Variants in PLXND1 observed in about 807,000 individuals in gnomAD.
PLXND1 encodes the protein plexin-D1.
Under a neutral mutation model 197.7 loss-of-function variants are expected in PLXND1, and 54 were observed. The observed-to-expected ratio is 0.27, with a 90% confidence interval of 0.22 to 0.34. PLXND1 has a LOEUF of 0.34. Among genes scored for constraint, PLXND1 ranks in the 10% least tolerant of loss-of-function variants. The pLI, the probability that PLXND1 is intolerant of heterozygous loss-of-function variation, is 1.00. For synonymous variants in PLXND1, 1,180 were observed against 1,161.2 expected, an observed-to-expected ratio of 1.02 and a Z score of -0.33; for missense variants, 2,127 against 2,699.2, an observed-to-expected ratio of 0.79 and a Z score of 4.70.
At chr3:129,566,084 T>C in intron 23 of PLXND1, 67 bp from the exon 24 acceptor site, 1 of 1,564,552 alleles carries the variant, frequency 6.4e-7, no homozygotes, top group Non-Finnish European at 8.8e-7. Context: ...TAACAGCCAG[T>C]GCTTACGACG....
chr3:129,563,105 C>T lies in PLXND1; in HGVS notation c.4657G>A (p.Ala1553Thr), dbSNP rs751544605. The T allele has an allele frequency of 1.9e-6, 3 of 1,613,444 alleles. No homozygotes were observed. The highest frequency in any genetic ancestry group is 2.7e-5 in the African/African-American group (2 of 74,924). The stretch of plus-strand genomic sequence containing the variant: ...CCCTGCCGACTTACCCGGGGCTTGG[C>T]CTCGATGTTCTCCCGCAGCAGCCAC... ...EEWLLRENIE[A>T]KPRNLNVSFQ... is the part of the protein sequence containing the mutation. The change falls in exon 26 of 36, where the codon GCC (alanine) becomes ACC (threonine). Residue 1553 changes from alanine (A) to threonine (T), a missense_variant. Ala to Thr is a moderately conservative substitution (Grantham distance 58). Around this residue, in one of 6 missense-constraint regions of PLXND1, gnomAD observed 532 missense variants for 811.0 expected, o/e 0.66. Transcript: ENST00000324093.
intron 1 of PLXND1, among the ~76,000 whole-genome samples, chr3:129,590,173 C>T (rs2085518907): frequency 6.6e-6 from 1 of 152,162 alleles, no homozygotes; most frequent in Admixed American, 6.5e-5. Context: ...GCCCACATTA[C>T]AGGGGGACAA....
At chr3:129,575,932 C>G in intron 9 of PLXND1, 77 bp from the exon 10 acceptor site, 4 of 827,726 alleles carry the variant, frequency 4.8e-6, no homozygotes, top group Non-Finnish European at 8.3e-6. Flanking sequence ...TCCAGCAGGA[C>G]ACCACGGGCT....
At position 129,567,497 on chromosome 3, in the gene PLXND1, GGAA is replaced by G; in HGVS notation, c.4078_4080del (p.Phe1360del). 6.3e-7 allele frequency: 1 copy of G among 1,589,852 alleles called. No homozygotes were observed. On this transcript the variant is annotated inframe_deletion, in exon 22 of 36. Coordinates refer to ENST00000324093, the MANE Select transcript of PLXND1 (RefSeq NM_015103.3). ...AGGCTCAGGCTCGGGCTGACCTTGG[GGAA>G]GAAGGTGCGGGTCACGAAGTGCTTA...
At position 129,584,233 on chromosome 3, in the gene PLXND1, T is replaced by C; in HGVS notation, c.2030A>G (p.Asp677Gly). Residue 677 changes from aspartate to glycine, a missense_variant and splice_region_variant, in exon 7 of 36, where the codon GAC (aspartate) becomes GGC (glycine). Physicochemically the swap from Asp to Gly is moderately conservative, Grantham distance 94. Transcript: ENST00000324093. ...CACAGACATCTCAACAGTCACGTGGTCTGGAATGGATGGGGGAGCCAGGGG... is the reference window on the plus strand; with the variant it reads ...CACAGACATCTCAACAGTCACGTGGCCTGGAATGGATGGGGGAGCCAGGGG... Reference protein sequence around the residue: ...DQFPPFPPNQDHVTVEMSVRV... With the variant: ...DQFPPFPPNQGHVTVEMSVRV... 1 of 1,599,290 alleles carries C rather than the reference T, an allele frequency of 6.3e-7. No homozygotes were observed.
At position 129,562,754 on chromosome 3, in the gene PLXND1, T is replaced by C. The variant is rs781542821; in HGVS notation, c.4825+33A>G. On this transcript the variant is annotated intron_variant, in intron 27 of 35. Coordinates refer to ENST00000324093, the MANE Select transcript of PLXND1 (RefSeq NM_015103.3). ...AGGGGCCAGCCCCGGCTGAAGCGCC[T>C]GACACGGGGTCTCTGCCCCCATTCC... is the stretch of plus-strand genomic sequence containing the variant. 14 of 1,572,074 alleles carry C rather than the reference T, an allele frequency of 8.9e-6. No individual in the cohort carries two copies. The African/African-American group carries it at 1.9e-4, about 21-fold the overall frequency.
chr3:129,567,604 C>G lies in PLXND1; in HGVS notation c.3974G>C (p.Gly1325Ala), dbSNP rs752646155. ...ESQIREEIRKGFAELQTDMTD... is the reference protein window; with the variant it reads ...ESQIREEIRKAFAELQTDMTD... ...CATGTCTGTCTGCAGCTCAGCGAAG[C>G]CTGGCGGACACACGGACAGCCGTGA... is the stretch of plus-strand genomic sequence containing the variant. The change falls in exon 22 of 36, where the codon GGC becomes GCC. Residue 1325 changes from glycine (G) to alanine (A), a missense_variant and splice_region_variant. Gly to Ala is a moderately conservative substitution (Grantham distance 60). This residue lies in a region of PLXND1 where 532 missense variants were observed against 811.0 expected (regional missense o/e 0.66). Coordinates refer to ENST00000324093, the MANE Select transcript of PLXND1 (RefSeq NM_015103.3). 6.2e-7 allele frequency: 1 copy of G among 1,609,176 alleles called. No homozygotes were observed. Among genetic ancestry groups the G allele is most frequent in the South Asian group, 1.1e-5 (1 of 90,658 alleles).
intron 2 of PLXND1, among the ~76,000 whole-genome samples, chr3:129,587,990 C>T (rs1560077314): frequency 1.3e-5 from 2 of 152,180 alleles, no homozygotes; most frequent in Non-Finnish European, 2.9e-5. Flanking sequence ...TATGTCCAGG[C>T]GTCCAGTGGA....
At chr3:129,579,147 A>T (rs923786595) in intron 8 of PLXND1, among the ~76,000 whole-genome samples, 4 of 151,544 alleles carry the variant, frequency 2.6e-5, no homozygotes. Context: ...TGCTTCATGG[A>T]ACGAAAGAAG....
intron 22 of PLXND1, among the ~76,000 whole-genome samples, chr3:129,567,190 GC>G (rs2085152909): frequency 6.7e-6 from 1 of 149,652 alleles, no homozygotes; most frequent in African/African-American, 2.5e-5. Context: ...GCCTGGGACA[GC>G]CCTGGCCGCT....
chr3:129,569,951 C>T lies in PLXND1; in HGVS notation c.3757G>A (p.Val1253Ile), dbSNP rs754320128. ...GCGATGGTCTGGTTGAAGTTCCCTA[C>T]CTGGATCTGTGCAGAGGTTGGGGAA... ...AVGQLPITIQ[V>I]GNFNQTIATL... is the part of the protein sequence containing the mutation. The change falls in exon 20 of 36, where the codon GTA becomes ATA. Residue 1253 changes from valine (V) to isoleucine (I), a missense_variant. Physicochemically the swap from Val to Ile is conservative, Grantham distance 29 (BLOSUM62 3). Transcript: ENST00000324093. 30 of 1,598,362 alleles carry T rather than the reference C, an allele frequency of 1.9e-5. No homozygotes were observed. The highest frequency in any genetic ancestry group is 2.6e-5 in the Non-Finnish European group (30 of 1,166,032).
intron 1 of PLXND1, among the ~76,000 whole-genome samples, chr3:129,603,027 G>A (rs1475873032): frequency 1.3e-5 from 2 of 152,210 alleles, no homozygotes; most frequent in Non-Finnish European, 2.9e-5. Context: ...GCAACAGCCT[G>A]GAGCAAGAAT....
intron 2 of PLXND1, 126 bp downstream of exon 2, chr3:129,589,225 C>T (rs1326545209): frequency 1.6e-5 from 12 of 746,042 alleles, no homozygotes; most frequent in East Asian, 1.4e-4. Context: ...AAGTGCTAGG[C>T]GAATGGGAGA....
At chr3:129,586,341 A>G in intron 3 of PLXND1, 69 bp from the exon 4 acceptor site, 2 of 1,270,550 alleles carry the variant, frequency 1.6e-6, no homozygotes, top group South Asian at 2.6e-5. Flanking sequence ...TGGTACGGTC[A>G]GCATGGTGCG....
At chr3:129,604,003 G>A (rs1440988436) in intron 1 of PLXND1, among the ~76,000 whole-genome samples, 1 of 152,268 alleles carries the variant, frequency 6.6e-6, no homozygotes, top group East Asian at 1.9e-4. Flanking sequence ...GGGATCAACA[G>A]ACCCAGCTCC....
chr3:129,574,211 GT>G, intron 12 of PLXND1, 124 bp downstream of exon 12: 1 of 816,602 alleles, frequency 1.2e-6, no homozygotes, highest in Non-Finnish European at 1.9e-6. Context: ...TTGTTCACAG[GT>G]GATACTGCAC....
In PLXND1 at chr3:129,606,496, C is replaced by G. The variant is rs1425245933; in HGVS notation, c.144G>C (p.Glu48Asp). Reference protein sequence around the residue: ...LLGAARAGALEIQRRFPSPTP... With the variant: ...LLGAARAGALDIQRRFPSPTP... Reference sequence around the variant, plus strand: ...TGGGCGAGGGGAACCGACGCTGGATCTCCAGGGCGCCGGCCCGCGCCGCCC... The same window carrying G: ...TGGGCGAGGGGAACCGACGCTGGATGTCCAGGGCGCCGGCCCGCGCCGCCC... The change falls in exon 1 of 36, where the codon GAG (glutamate) becomes GAC (aspartate). Residue 48 changes from glutamate (E) to aspartate (D), a missense_variant. By Grantham distance (45) the Glu-to-Asp change is conservative. Around this residue, in one of 6 missense-constraint regions of PLXND1, gnomAD observed 245 missense variants for 267.1 expected, o/e 0.92. Coordinates refer to ENST00000324093, the MANE Select transcript of PLXND1 (RefSeq NM_015103.3). 1 of 1,412,676 alleles carries G rather than the reference C, an allele frequency of 7.1e-7. No individual in the cohort carries two copies. Among genetic ancestry groups the G allele is most frequent in the Non-Finnish European group, 9.2e-7 (1 of 1,085,148 alleles). 87.5% of individuals were successfully genotyped at this position (1,412,676 alleles called of 1,614,324 possible).
rs780128634 is a variant in PLXND1, at chr3:129,562,773, C to G, written c.4825+14G>C. On this transcript the variant is annotated intron_variant, in intron 27 of 35. Coordinates refer to ENST00000324093, the MANE Select transcript of PLXND1 (RefSeq NM_015103.3). ...AGCGCCTGACACGGGGTCTCTGCCC[C>G]CATTCCCACCCACCAAGGTCGACGT... 1 of 1,585,660 alleles carries G rather than the reference C, an allele frequency of 6.3e-7. No homozygotes were observed.
At chr3:129,587,198 A>G (rs1358436601) in intron 2 of PLXND1, among the ~76,000 whole-genome samples, 1 of 152,180 alleles carries the variant, frequency 6.6e-6, no homozygotes, top group African/African-American at 2.4e-5. Flanking sequence ...GGAAGCTGCT[A>G]GGCTGCACGT....
Sources: allele counts gnomAD v4.1 joint callset (sites outside exome capture counted in the v4.1 genomes callset), GRCh38; gene constraint gnomAD v4.1.1; regional missense constraint gnomAD v4.1.1; transcripts MANE v1.5; gene names NCBI Gene and HGNC (gene_info 2026-07-23, HGNC 2026-07-21).